CALN1: variants seen among roughly 807,000 people sequenced by gnomAD.
The protein encoded by CALN1 is calneuron 1.
Under a neutral mutation model 30.6 loss-of-function variants are expected in CALN1, and 17 were observed. The ratio of observed to expected loss-of-function variants is 0.56; its 90% CI spans 0.38 to 0.83. The LOEUF (loss-of-function observed/expected upper bound fraction) is 0.83, where lower values mean the gene tolerates loss of function less well. Among genes scored for constraint, CALN1 ranks in the 40% least tolerant of loss-of-function variants. CALN1 has a pLI of 0.00. For missense variants in CALN1, 291 were observed against 354.9 expected, an observed-to-expected ratio of 0.82 and a Z score of 1.45; for synonymous variants, 156 against 131.4, an observed-to-expected ratio of 1.19 and a Z score of -1.28.
upstream of CALN1, among the ~76,000 whole-genome samples, chr7:72,450,279 C>T (rs147811831): frequency 2.8e-4 from 43 of 152,256 alleles, no homozygotes; most frequent in African/African-American, 8.9e-4. Context: ...CTCCATTTTC[C>T]GAGGAGATTT....
At chr7:72,410,857 A>G (rs1335389710) in intron 1 of CALN1, among the ~76,000 whole-genome samples, 1 of 152,228 alleles carries the variant, frequency 6.6e-6, no homozygotes, top group Non-Finnish European at 1.5e-5. Context: ...ATCAGAAAAA[A>G]TACAAGGATG....
chr7:72,349,851 C>T (rs891985333), intron 2 of CALN1, among the ~76,000 whole-genome samples: 3 of 152,044 alleles, frequency 2.0e-5, no homozygotes, highest in Non-Finnish European at 4.4e-5. Context: ...TTGATAGATG[C>T]GTATTTTACA....
chr7:72,250,423 T>C (rs1795474883), intron 3 of CALN1, among the ~76,000 whole-genome samples: 1 of 152,038 alleles, frequency 6.6e-6, no homozygotes, highest in Non-Finnish European at 1.5e-5. Context: ...TGAATGAGAG[T>C]GATGTCAGGC....
At chr7:72,284,797 T>C (rs1797971940) in intron 2 of CALN1, among the ~76,000 whole-genome samples, 1 of 152,162 alleles carries the variant, frequency 6.6e-6, no homozygotes, top group Non-Finnish European at 1.5e-5. Flanking sequence ...GATAAATCTC[T>C]TTAAAGTTAT....
At chr7:72,323,947 G>A (rs564524002) in intron 2 of CALN1, among the ~76,000 whole-genome samples, 3 of 152,052 alleles carry the variant, frequency 2.0e-5, no homozygotes, top group Non-Finnish European at 4.4e-5. Flanking sequence ...GGGAGGCTGA[G>A]GCAGGAGGAT....
At chr7:72,214,203 G>T (rs979259436) in intron 3 of CALN1, among the ~76,000 whole-genome samples, 1 of 152,190 alleles carries the variant, frequency 6.6e-6, no homozygotes, top group Admixed American at 6.5e-5. Context: ...TATTAGGCTG[G>T]GTGCAGTGGC....
rs371830184 is a variant in CALN1 at position 72,003,973 on chromosome 7, T to C, written c.501+19684A>G. ...ATGCCAATTCTCCCAAGTTGACTTA[T>C]AGGTTTAAGGCAATTCTTATCAATA... On this transcript the variant is annotated intron_variant, in intron 5 of 6. Coordinates refer to ENST00000395275, the MANE Select transcript of CALN1 (RefSeq NM_031468.4). Among the ~76,000 whole-genome samples the C allele has an allele frequency of 3.3e-5, 5 of 152,280 alleles. No individual in the cohort carries two copies. The South Asian group carries it at 6.2e-4, about 19-fold the overall frequency.
At chr7:71,808,561 G>C (rs548836316) in intron 6 of CALN1, among the ~76,000 whole-genome samples, 2 of 151,964 alleles carry the variant, frequency 1.3e-5, no homozygotes, top group African/African-American at 2.4e-5. Flanking sequence ...TAGCCCCTTT[G>C]TCAGGCATTT....
intron 4 of CALN1, among the ~76,000 whole-genome samples, chr7:72,024,148 A>C (rs1013969057): frequency 6.6e-6 from 1 of 152,092 alleles, no homozygotes; most frequent in Non-Finnish European, 1.5e-5. Context: ...CCACATATAC[A>C]TGTAGTCATC....
intron 2 of CALN1, among the ~76,000 whole-genome samples, chr7:72,362,935 C>G (rs2129559873): frequency 6.6e-6 from 1 of 152,340 alleles, no homozygotes; most frequent in Non-Finnish European, 1.5e-5. Flanking sequence ...GCCCAGGCAC[C>G]TGTCCCGTCA....
chr7:72,028,515 A>C (rs140543278), intron 4 of CALN1, among the ~76,000 whole-genome samples: 1,984 of 152,304 alleles, frequency 0.013, 23 homozygotes, highest in Non-Finnish European at 0.017. Context: ...CCAGAGAAGA[A>C]GCGATGGAGA....
intron 4 of CALN1, among the ~76,000 whole-genome samples, chr7:72,072,339 C>G (rs1804455777): frequency 6.6e-6 from 1 of 152,100 alleles, no homozygotes; most frequent in South Asian, 2.1e-4. Flanking sequence ...ACTTTAGAGG[C>G]CAGAAGGCAG....
chr7:72,367,053 T>G (rs1395212530), intron 2 of CALN1, among the ~76,000 whole-genome samples: 6 of 152,064 alleles, frequency 3.9e-5, no homozygotes, highest in Non-Finnish European at 8.8e-5. Context: ...AATATAATGT[T>G]GAGTCAAAGA....
intron 6 of CALN1, among the ~76,000 whole-genome samples, chr7:71,800,611 C>G (rs1461671586): frequency 6.6e-6 from 1 of 152,048 alleles, no homozygotes; most frequent in African/African-American, 2.4e-5. Flanking sequence ...TGCTTCTACT[C>G]GACTTCCAAA....
chr7:71,896,683 C>T (rs758884102), intron 5 of CALN1, among the ~76,000 whole-genome samples: 34 of 152,112 alleles, frequency 2.2e-4, no homozygotes, highest in Admixed American at 4.6e-4. Context: ...CAGTGTGTGT[C>T]CATCTCACAT....
intron 5 of CALN1, among the ~76,000 whole-genome samples, chr7:71,965,126 C>CA (rs1797468404): frequency 6.6e-6 from 1 of 152,102 alleles, no homozygotes; most frequent in Non-Finnish European, 1.5e-5. Context: ...CTCTTGTGTT[C>CA]AAGTCATCCT....
the CALN1 span, among the ~76,000 whole-genome samples, chr7:72,485,253 G>A: frequency 1.3e-5 from 2 of 152,022 alleles, no homozygotes; most frequent in Non-Finnish European, 2.9e-5. Flanking sequence ...AGACTCTTAA[G>A]TATTAACTCA....
intron 2 of CALN1, among the ~76,000 whole-genome samples, chr7:72,304,356 G>C (rs1799503867): frequency 6.6e-6 from 1 of 152,204 alleles, no homozygotes; most frequent in African/African-American, 2.4e-5. Flanking sequence ...GTTGGGCACA[G>C]TGGCTCATGC....
At chr7:72,103,998 A>C (rs1267906189) in intron 4 of CALN1, 1 of 152,500 alleles carries the variant, frequency 6.6e-6, no homozygotes, top group African/African-American at 2.4e-5. Context: ...TTTCTTCCTT[A>C]GAATCCCCTT....
Sources: allele counts gnomAD v4.1 joint callset (sites outside exome capture counted in the v4.1 genomes callset), GRCh38; gene constraint gnomAD v4.1.1; transcripts MANE v1.5; gene names NCBI Gene and HGNC (gene_info 2026-07-23, HGNC 2026-07-21).